Variants in TTN observed in about 807,000 individuals in gnomAD.
TTN encodes the protein connectin.
Under a neutral mutation model 3,223.0 loss-of-function variants are expected in TTN, and 1,525 were observed. That is an observed-to-expected ratio of 0.47 (90% CI 0.45 to 0.49). The LOEUF (loss-of-function observed/expected upper bound fraction) is 0.49, where lower values mean the gene tolerates loss of function less well. Ranked by LOEUF, TTN falls within the 20% of genes least tolerant of loss-of-function variation. The pLI is 0.00. For missense variants in TTN, 40,786 were observed against 43,424.0 expected, an observed-to-expected ratio of 0.94 and a Z score of 5.40; for synonymous variants, 14,094 against 15,161.0, an observed-to-expected ratio of 0.93 and a Z score of 5.17.
chr2:178,565,216 C>T lies in TTN; in HGVS notation c.80916G>A (p.Lys26972=). The change falls in exon 326 of 363, where the codon AAG becomes AAA. Residue 26972 remains lysine (K), a synonymous_variant. Transcript: ENST00000589042. ...GAACTGGGCCAACTGGAGGTCCAGG[C>T]TTTTCTAAAACGATAACACTGAGAT... ...TENLSVIVLE[K]PGPPVGPVRF... 2 of 1,613,538 alleles carry T rather than the reference C, an allele frequency of 1.2e-6. No individual in the cohort carries two copies. Among genetic ancestry groups the T allele is most frequent in the Non-Finnish European group, 1.7e-6 (2 of 1,179,668 alleles).
rs142371552 is a variant in TTN at position 178,745,964 on chromosome 2, A to C, written c.11312-4043T>G. 68 of 1,610,142 alleles carry C rather than the reference A, an allele frequency of 4.2e-5. No individual in the cohort carries two copies. The highest frequency in any genetic ancestry group is 5.8e-5 in the Non-Finnish European group (68 of 1,177,062). On this transcript the variant is annotated intron_variant, in intron 47 of 362. Coordinates refer to ENST00000589042, the MANE Select transcript of TTN (RefSeq NM_001267550.2). ...TAAAGTCACTTTGCTTTTCTTTGCT[A>C]TCACAGCAAATATTTCAGAATCTCC...
rs1421342766 is a variant in TTN, at chr2:178,701,580, A to G, written c.30546T>C (p.Pro10182=). The change falls in exon 110 of 363, where the codon CCT becomes CCC. Residue 10182 remains proline (P), a synonymous_variant. Transcript: ENST00000589042. The part of the protein sequence containing the change: ...IKLELKPPDI[P]DSRVPIPTMP... ...TGGTTGGGATTGGAACTCTGGAGTC[A>G]GGAATATCTGGAAAGGGACATGTAA... is the stretch of plus-strand genomic sequence containing the variant. 9 of 1,613,750 alleles carry G rather than the reference A, an allele frequency of 5.6e-6. No homozygotes were observed. Among genetic ancestry groups the G allele is most frequent in the Non-Finnish European group, 7.6e-6 (9 of 1,179,728 alleles).
In TTN at chr2:178,732,600, G is replaced by A; in HGVS notation, c.16461C>T (p.Asn5487=). Reference sequence around the variant, plus strand: ...AGCTTCCACCAGAAACCAGCTCTTTGTTGCCCTTAAACCATCTGATTGTGA... The same window carrying A: ...AGCTTCCACCAGAAACCAGCTCTTTATTGCCCTTAAACCATCTGATTGTGA... ...TPLTIRWFKG[N]KELVSGGSCY... is the part of the protein sequence containing the mutation. Residue 5487 remains asparagine (N), a synonymous_variant, in exon 56 of 363, where the codon AAC becomes AAT. Transcript: ENST00000589042. 6.2e-7 allele frequency: 1 copy of A among 1,613,614 alleles called. No individual in the cohort carries two copies.
Position 178,750,701 on chromosome 2 carries a change from A to G in TTN, c.11311+2423T>C, listed in dbSNP as rs144799515. 4.1e-5 allele frequency: 66 copies of G among 1,612,544 alleles called. No individual in the cohort carries two copies. In the Middle Eastern group the frequency reaches 8.3e-4, roughly 20 times the overall value. ...TAATTCTCTCAAATCATCCTTTTTTATTCTTTCACTAGCTATTTCTTCACT... is the reference window on the plus strand; with the variant it reads ...TAATTCTCTCAAATCATCCTTTTTTGTTCTTTCACTAGCTATTTCTTCACT... On this transcript the variant is annotated intron_variant, in intron 47 of 362. Coordinates refer to ENST00000589042, the MANE Select transcript of TTN (RefSeq NM_001267550.2).
chr2:178,551,315 T>G (rs1185770360), intron 335 of TTN, 55 bp from the exon 336 acceptor site: 2 of 1,457,878 alleles, frequency 1.4e-6, no homozygotes, highest in Non-Finnish European at 1.9e-6. Context: ...CAGGTCTTAA[T>G]CATCCATGGA....
rs754182768 is a variant in TTN, at chr2:178,800,551, C to T, written c.427G>A (p.Glu143Lys). 60 of 1,614,004 alleles carry T rather than the reference C, an allele frequency of 3.7e-5. No individual in the cohort carries two copies. The highest frequency in any genetic ancestry group is 6.7e-5 in the African/African-American group (5 of 74,916). The change falls in exon 4 of 363, where the codon GAA (glutamate) becomes AAA (lysine). Residue 143 changes from glutamate (E) to lysine (K), a missense_variant. Physicochemically the swap from Glu to Lys is moderately conservative, Grantham distance 56. Coordinates refer to ENST00000589042, the MANE Select transcript of TTN (RefSeq NM_001267550.2). ...PVVKFYRDGA[E>K]IQSSLDFQIS... ...TGGAAATCAAGGGAGCTCTGGATTT[C>T]GGCTCCATCCCGGTAGAACTTCACC...
chr2:178,660,180 GA>G (rs775145870), intron 180 of TTN, among the ~76,000 whole-genome samples: 7 of 72 alleles, frequency 0.097, no homozygotes, highest in African/African-American at 0.13. Context: ...CACAGAATTG[GA>G]AAAAACTACT....
rs879064808 is a variant in TTN, at chr2:178,718,077, T to C, written c.24929A>G (p.Tyr8310Cys). Residue 8310 changes from tyrosine (Y) to cysteine (C), a missense_variant, in exon 86 of 363, where the codon TAT becomes TGT. Coordinates refer to ENST00000589042, the MANE Select transcript of TTN (RefSeq NM_001267550.2). ...AACGTTATTTTTGAATTGCATTTTA[T>C]ATGCAGGAGCTGATCGTAGCTTTGT... ...EHTKLRSAPA[Y>C]KMQFKNNVAS... 5 of 1,613,700 alleles carry C rather than the reference T, an allele frequency of 3.1e-6. No individual in the cohort carries two copies. In the South Asian group the frequency reaches 3.3e-5, roughly 11 times the overall value.
At chr2:178,627,789 T>TA (rs1312114049) in intron 240 of TTN, among the ~76,000 whole-genome samples, 14 of 152,066 alleles carry the variant, frequency 9.2e-5, no homozygotes, top group African/African-American at 3.4e-4. Flanking sequence ...GACAAAAAGA[T>TA]ATTTGGTAAT....
At position 178,562,860 on chromosome 2, in the gene TTN, A is replaced by G. The variant is rs188323108; in HGVS notation, c.83272T>C (p.Phe27758Leu). 6.1e-5 allele frequency: 98 copies of G among 1,613,078 alleles called. No homozygotes were observed. In the East Asian group the frequency reaches 1.9e-3, roughly 32 times the overall value. ...LENNSGSKTAFVNVRVLDSPS... is the reference protein window; with the variant it reads ...LENNSGSKTALVNVRVLDSPS... ...GAGTCAAGAACTCTGACGTTAACAAAAGCTGTTTTGGAGCCACTATTATTT... is the reference window on the plus strand; with the variant it reads ...GAGTCAAGAACTCTGACGTTAACAAGAGCTGTTTTGGAGCCACTATTATTT... Residue 27758 changes from phenylalanine (F) to leucine (L), a missense_variant, in exon 326 of 363, where the codon TTT (phenylalanine) becomes CTT (leucine). Phe to Leu is a conservative substitution (Grantham distance 22). Transcript: ENST00000589042.
chr2:178,757,652 A>C lies in TTN; in HGVS notation c.10568T>G (p.Leu3523Ter), dbSNP rs778519071. The C allele has an allele frequency of 6.2e-7, 1 of 1,613,866 alleles. No homozygotes were observed. Among genetic ancestry groups the C allele is most frequent in the South Asian group, 1.1e-5 (1 of 91,080 alleles). ...TGAGTAAGCATCAACTATAAGCATT[A>C]AAGCCATGCCTGTGGACTCCTCAAA... is the stretch of plus-strand genomic sequence containing the variant. ...FHFEESTGMALMLIVDAYSEH... is the reference protein window; with the variant it reads ...FHFEESTGMA Residue 3523 changes from leucine to a stop codon, truncating the protein, a stop_gained, in exon 45 of 363, where the codon TTA (leucine) becomes TGA (stop). Transcript: ENST00000589042. LOFTEE classifies it high-confidence loss of function.
chr2:178,583,311 C>T (rs2048195218), intron 312 of TTN, 84 bp from the exon 313 acceptor site: 2 of 1,257,676 alleles, frequency 1.6e-6, no homozygotes, highest in African/African-American at 3.0e-5. Flanking sequence ...AATTCATATG[C>T]TGCTTCTTTC....
chr2:178,670,628 G>T (rs541829537), intron 156 of TTN, among the ~76,000 whole-genome samples: 2 of 151,900 alleles, frequency 1.3e-5, no homozygotes, highest in South Asian at 4.2e-4. Flanking sequence ...AGACTTTAAA[G>T]AAATAAGTTT....
rs200447686 is a variant in TTN, at chr2:178,723,555, C to T, written c.21545G>A (p.Arg7182Gln). The T allele has an allele frequency of 7.0e-5, 113 of 1,613,242 alleles. No individual in the cohort carries two copies. Among genetic ancestry groups the T allele is most frequent in the Middle Eastern group, 4.9e-4 (3 of 6,082 alleles). Residue 7182 changes from arginine (R) to glutamine (Q), a missense_variant, in exon 74 of 363, where the codon CGG becomes CAG. By Grantham distance (43) the Arg-to-Gln change is conservative. Coordinates refer to ENST00000589042, the MANE Select transcript of TTN (RefSeq NM_001267550.2). ...RGARELVKGD[R>Q]CNIYFEDTVA... ...AGTGTCTTCAAAATAGATGTTGCAC[C>T]GGTCTCCTTTCACTAGTTCTCTGGC...
chr2:178,727,089 C>T lies in TTN; in HGVS notation c.20275+1G>A. On this transcript the variant is annotated splice_donor_variant, in intron 69 of 362. Transcript: ENST00000589042. LOFTEE classifies it high-confidence loss of function. The stretch of plus-strand genomic sequence containing the variant: ...GAGAAACACAAGAACAAGATGTCTA[C>T]CTTTTACTATAACCTTGGTACTGCA... 1 of 1,511,542 alleles carries T rather than the reference C, an allele frequency of 6.6e-7. No individual in the cohort carries two copies. The highest frequency in any genetic ancestry group is 8.9e-7 in the Non-Finnish European group (1 of 1,125,328). The allele number at this position is 1,511,542 out of a possible 1,614,324, so 93.6% of individuals were successfully genotyped here.
chr2:178,788,935 A>C (rs1355617779), intron 13 of TTN, among the ~76,000 whole-genome samples: 1 of 152,126 alleles, frequency 6.6e-6, no homozygotes, highest in Non-Finnish European at 1.5e-5. Flanking sequence ...TACTGAAATA[A>C]GTCATACTCC....
rs1699857670 is a variant in TTN, at chr2:178,552,562, T to C, written c.90338A>G (p.Asp30113Gly). 6.2e-7 allele frequency: 1 copy of C among 1,613,686 alleles called. No homozygotes were observed. Among genetic ancestry groups the C allele is most frequent in the African/African-American group, 1.3e-5 (1 of 74,928 alleles). Residue 30113 changes from aspartate (D) to glycine (G), a missense_variant, in exon 335 of 363, where the codon GAT (aspartate) becomes GGT (glycine). By Grantham distance (94) the Asp-to-Gly change is moderately conservative. Transcript: ENST00000589042. The part of the protein sequence containing the change: ...VFAKNEKGLS[D>G]PVTIGPITVK... Reference sequence around the variant, plus strand: ...TGTAATTGGCCCAATAGTGACAGGATCACTCAGTCCTTTCTCATTTTTGGC... The same window carrying C: ...TGTAATTGGCCCAATAGTGACAGGACCACTCAGTCCTTTCTCATTTTTGGC...
intron 3 of TTN, 139 bp from the exon 4 acceptor site, chr2:178,800,821 C>T: frequency 1.1e-6 from 1 of 918,386 alleles, no homozygotes; most frequent in South Asian, 2.2e-5. Flanking sequence ...TTGAACCCAG[C>T]TCACCCAGCA....
chr2:178,650,619 T>C (rs902638601), intron 209 of TTN, 132 bp downstream of exon 209: 10 of 929,114 alleles, frequency 1.1e-5, no homozygotes, highest in Non-Finnish European at 6.3e-6. Flanking sequence ...TAATTTAGAA[T>C]GATGAATTAA....
Sources: gnomAD v4.1 joint callset for allele counts (sites outside exome capture counted in the v4.1 genomes callset) on GRCh38, gnomAD v4.1.1 for gene constraint, MANE v1.5 for transcripts, NCBI Gene and HGNC (gene_info 2026-07-23, HGNC 2026-07-21) for gene names.